Variants in KIAA1958 observed in about 807,000 individuals in gnomAD.
KIAA1958 encodes KIAA1958.
KIAA1958 carries 14 observed loss-of-function variants against 47.2 expected under a neutral mutation model. That is an observed-to-expected ratio of 0.30 (90% confidence interval 0.20 to 0.46). The LOEUF (loss-of-function observed/expected upper bound fraction) is 0.46, where lower values mean the gene tolerates loss of function less well. KIAA1958 is among the 20% of genes least tolerant of loss of function. The pLI is 1.00. For missense variants in KIAA1958, 803 were observed against 909.2 expected, an observed-to-expected ratio of 0.88 and a Z score of 1.50; for synonymous variants, 354 against 353.3, an observed-to-expected ratio of 1.00 and a Z score of -0.02.
chr9:112,649,885 A>C (rs1205293367), intron 3 of KIAA1958, among the ~76,000 whole-genome samples: 1 of 152,192 alleles, frequency 6.6e-6, no homozygotes, highest in Non-Finnish European at 1.5e-5. Flanking sequence ...ATGATACCAC[A>C]TGGAAATATG....
intron 1 of KIAA1958, among the ~76,000 whole-genome samples, chr9:112,522,176 G>A (rs1304655639): frequency 6.6e-6 from 1 of 152,064 alleles, no homozygotes; most frequent in Non-Finnish European, 1.5e-5. Flanking sequence ...TCTCCTTGTT[G>A]GTCAGGCTGG....
chr9:112,635,220 G>C (rs1273097471), intron 2 of KIAA1958, among the ~76,000 whole-genome samples: 1 of 58,088 alleles, frequency 1.7e-5, no homozygotes, highest in South Asian at 4.5e-4. Flanking sequence ...TATTTTGTGT[G>C]TGTGTGTGTG....
chr9:112,516,770 A>G (rs1387416142), intron 1 of KIAA1958, among the ~76,000 whole-genome samples: 2 of 152,246 alleles, frequency 1.3e-5, no homozygotes, highest in Non-Finnish European at 2.9e-5. Flanking sequence ...AAAACCTTAG[A>G]CAAATTAAAT....
At chr9:112,603,768 G>T (rs1234302119) in intron 2 of KIAA1958, among the ~76,000 whole-genome samples, 1 of 152,200 alleles carries the variant, frequency 6.6e-6, no homozygotes, top group Non-Finnish European at 1.5e-5. Context: ...ATGCCAGGGG[G>T]CACAGTGGGT....
intron 1 of KIAA1958, among the ~76,000 whole-genome samples, chr9:112,496,194 A>G (rs537468501): frequency 6.6e-6 from 1 of 152,358 alleles, no homozygotes; most frequent in South Asian, 2.1e-4. Flanking sequence ...TTGAATAAAT[A>G]CATCATGGTA....
chr9:112,599,448 A>G (rs750772895), intron 2 of KIAA1958, among the ~76,000 whole-genome samples: 19 of 152,194 alleles, frequency 1.2e-4, no homozygotes, highest in Non-Finnish European at 2.6e-4. Flanking sequence ...GAAAGGACTC[A>G]TTTTTAGCTT....
chr9:112,493,602 C>T (rs1488022084), intron 1 of KIAA1958, among the ~76,000 whole-genome samples: 3 of 152,154 alleles, frequency 2.0e-5, no homozygotes, highest in African/African-American at 7.2e-5. Context: ...GTTACCTTTG[C>T]ATTAGTCTTA....
At chr9:112,608,567 T>G (rs1836273478) in intron 2 of KIAA1958, among the ~76,000 whole-genome samples, 1 of 152,160 alleles carries the variant, frequency 6.6e-6, no homozygotes, top group South Asian at 2.1e-4. Context: ...GGTGGGTGGA[T>G]CACTTGAGCT....
chr9:112,518,405 C>G (rs922312310), intron 1 of KIAA1958, among the ~76,000 whole-genome samples: 3 of 152,134 alleles, frequency 2.0e-5, no homozygotes, highest in African/African-American at 7.2e-5. Context: ...ACTATTGATA[C>G]ACCCAACAAT....
At chr9:112,508,697 A>G (rs1259889836) in intron 1 of KIAA1958, among the ~76,000 whole-genome samples, 1 of 152,246 alleles carries the variant, frequency 6.6e-6, no homozygotes, top group Non-Finnish European at 1.5e-5. Context: ...GTGAAACAAC[A>G]GCTGAAAGTC....
chr9:112,588,357 C>G (rs1268447906), intron 2 of KIAA1958, among the ~76,000 whole-genome samples: 1 of 152,164 alleles, frequency 6.6e-6, no homozygotes, highest in Non-Finnish European at 1.5e-5. Context: ...GGATAAATGA[C>G]TTAATCCATG....
At position 112,574,643 on chromosome 9, in the gene KIAA1958, C is replaced by G. The variant is rs766369888; in HGVS notation, c.563C>G (p.Thr188Arg). ...TCTTCCCTCCATTCAAGCTCCCAGA[C>G]GCAGATGGTTGACGAATGCAGCAAT... is the stretch of plus-strand genomic sequence containing the variant. The part of the protein sequence containing the change: ...VPSSLHSSSQ[T>R]QMVDECSNDV... Residue 188 changes from threonine to arginine, a missense_variant, in exon 2 of 4, where the codon ACG becomes AGG. Physicochemically the swap from Thr to Arg is moderately conservative, Grantham distance 71 (BLOSUM62 -1). Transcript: ENST00000337530. 3 of 1,614,002 alleles carry G rather than the reference C, an allele frequency of 1.9e-6. No homozygotes were observed. Among genetic ancestry groups the G allele is most frequent in the Middle Eastern group, 1.6e-4 (1 of 6,084 alleles).
chr9:112,525,982 T>C lies in KIAA1958; in HGVS notation c.-25+38864T>C, dbSNP rs375598007. On this transcript the variant is annotated intron_variant, in intron 1 of 3. Transcript: ENST00000337530. ...CTTCTTCTTCTTCTTCTTCTTCTTCTTCTTCTTCTTCTTCTTCTTTTTTTT... is the reference window on the plus strand; with the variant it reads ...CTTCTTCTTCTTCTTCTTCTTCTTCCTCTTCTTCTTCTTCTTCTTTTTTTT... 4.7e-3 allele frequency among the ~76,000 whole-genome samples: 3 copies of C among 634 alleles called. 1 individual carries two copies. The highest frequency in any genetic ancestry group is 0.011 in the Non-Finnish European group (3 of 284). The allele number at this position is 634 out of a possible 152,430, so 0.4% of individuals were successfully genotyped here. A position where few individuals can be genotyped will look rare whatever the true frequency, so the allele number is the denominator to read the frequency against.
At chr9:112,601,161 T>G (rs1836125674) in intron 2 of KIAA1958, among the ~76,000 whole-genome samples, 1 of 152,308 alleles carries the variant, frequency 6.6e-6, no homozygotes, top group South Asian at 2.1e-4. Context: ...GTTTTGAACT[T>G]AAGAATAACT....
chr9:112,492,328 A>C (rs968702289), intron 1 of KIAA1958, among the ~76,000 whole-genome samples: 5 of 152,178 alleles, frequency 3.3e-5, no homozygotes, highest in Non-Finnish European at 7.3e-5. Context: ...TGTGTGTCCT[A>C]ATTTCCTCTT....
At chr9:112,497,764 C>A (rs1464437151) in intron 1 of KIAA1958, among the ~76,000 whole-genome samples, 1 of 152,030 alleles carries the variant, frequency 6.6e-6, no homozygotes, top group African/African-American at 2.4e-5. Context: ...ACAGTTTTAT[C>A]ACCTTTTTAG....
intron 3 of KIAA1958, 44 bp downstream of exon 3, chr9:112,645,866 G>A: frequency 6.4e-7 from 1 of 1,562,064 alleles, no homozygotes; most frequent in South Asian, 1.2e-5. Context: ...ACTTCACTGA[G>A]CTTCCAAATG....
chr9:112,558,742 TAA>T (rs1489024771), intron 1 of KIAA1958, among the ~76,000 whole-genome samples: 1 of 152,126 alleles, frequency 6.6e-6, no homozygotes, highest in African/African-American at 2.4e-5. Flanking sequence ...TACCTAAAAA[TAA>T]GAGTCAGAAT....
Position 112,620,744 on chromosome 9 carries a change from T to A in KIAA1958, c.1172-24906T>A, listed in dbSNP as rs556663174. 3.3e-5 allele frequency among the ~76,000 whole-genome samples: 5 copies of A among 151,858 alleles called. No individual in the cohort carries two copies. In the South Asian group the frequency reaches 1.0e-3, roughly 32 times the overall value. ...GCCAGCATGCATGCCAGCACTGTGC[T>A]AAGTGACTTACATGGATCACATATG... On this transcript the variant is annotated intron_variant, in intron 2 of 3. Coordinates refer to ENST00000337530, the MANE Select transcript of KIAA1958 (RefSeq NM_133465.4).
Sources: allele counts gnomAD v4.1 joint callset (sites outside exome capture counted in the v4.1 genomes callset), GRCh38; gene constraint gnomAD v4.1.1; transcripts MANE v1.5; gene names NCBI Gene and HGNC (gene_info 2026-07-23, HGNC 2026-07-21).